PTPN1: variants seen among roughly 807,000 people sequenced by gnomAD.
PTPN1 encodes protein tyrosine phosphatase non-receptor type 1, also known as tyrosine-protein phosphatase non-receptor type 1.
Under a neutral mutation model 59.9 loss-of-function variants are expected in PTPN1, and 12 were observed. The ratio of observed to expected loss-of-function variants is 0.20; its 90% CI spans 0.13 to 0.32. The LOEUF is 0.32. Among genes scored for constraint, PTPN1 ranks in the 10% least tolerant of loss-of-function variants. The probability of loss-of-function intolerance (pLI) is 1.00; values close to 1 mark genes in which losing one functional copy is unlikely to be tolerated. For synonymous variants in PTPN1, 178 were observed against 203.6 expected (o/e 0.87, Z 1.07); for missense variants, 356 against 549.2 (o/e 0.65, Z 3.52).
intron 1 of PTPN1, among the ~76,000 whole-genome samples, chr20:50,540,204 C>T (rs577018787): frequency 2.9e-4 from 44 of 152,128 alleles, no homozygotes; most frequent in Admixed American, 7.2e-4. Flanking sequence ...TACAGGCATG[C>T]GCCACCACGC....
At chr20:50,538,829 C>T (rs1535024) in intron 1 of PTPN1, among the ~76,000 whole-genome samples, 4,881 of 152,142 alleles carry the variant, frequency 0.032, 238 homozygotes, top group African/African-American at 0.11. Flanking sequence ...TTTCACCCTC[C>T]TCCAGAGTCT....
intron 1 of PTPN1, among the ~76,000 whole-genome samples, chr20:50,531,665 C>T (rs113402882): frequency 6.2e-4 from 94 of 152,344 alleles, no homozygotes; most frequent in African/African-American, 2.2e-3. Context: ...GCGTGAGCCA[C>T]TGTGCCTGGC....
chr20:50,543,202 C>A (rs1483332567), intron 1 of PTPN1, among the ~76,000 whole-genome samples: 1 of 152,148 alleles, frequency 6.6e-6, no homozygotes, highest in African/African-American at 2.4e-5. Context: ...TTATACACAA[C>A]ATAAATATGG....
chr20:50,558,772 G>C (rs556571259), intron 1 of PTPN1, among the ~76,000 whole-genome samples: 1 of 152,076 alleles, frequency 6.6e-6, no homozygotes. Context: ...CAGCTATCTC[G>C]TGAGTCATAC....
rs1413088599 is a variant in PTPN1 at position 50,583,477 on chromosome 20, C to G, written c.*762C>G. ...ATCTGCTAGATCTAGTTCTCAATCA[C>G]TGCTCCCCCGTGTGTATTAGAATGC... On this transcript the variant is annotated 3_prime_UTR_variant, in exon 10 of 10. Transcript: ENST00000371621. 6.6e-6 allele frequency: 1 copy of G among 152,276 alleles called. No homozygotes were observed. Among genetic ancestry groups the G allele is most frequent in the African/African-American group, 2.4e-5 (1 of 41,452 alleles). The allele number at this position is 152,276 out of a possible 1,614,324, so 9.4% of individuals were successfully genotyped here.
At chr20:50,551,777 C>T (rs1408763356) in intron 1 of PTPN1, among the ~76,000 whole-genome samples, 1 of 152,206 alleles carries the variant, frequency 6.6e-6, no homozygotes, top group Non-Finnish European at 1.5e-5. Flanking sequence ...GAGGCACACA[C>T]TGAATGACTC....
At chr20:50,514,870 T>C (rs182944744) in intron 1 of PTPN1, among the ~76,000 whole-genome samples, 30 of 152,342 alleles carry the variant, frequency 2.0e-4, no homozygotes, top group Admixed American at 1.6e-3. Flanking sequence ...TGTTCACATT[T>C]TGAGTATCCA....
At chr20:50,555,189 TAA>T (rs2082720805) in intron 1 of PTPN1, among the ~76,000 whole-genome samples, 1 of 152,072 alleles carries the variant, frequency 6.6e-6, no homozygotes, top group Admixed American at 6.5e-5. Context: ...TAAAGATCAG[TAA>T]AATTGATAAA....
intron 1 of PTPN1, among the ~76,000 whole-genome samples, chr20:50,552,839 G>GTCC (rs1396453701): frequency 6.6e-6 from 1 of 151,826 alleles, no homozygotes; most frequent in Non-Finnish European, 1.5e-5. Flanking sequence ...CATGCCGTGC[G>GTCC]TCCTCCTACC....
chr20:50,510,422 G>A lies in PTPN1; in HGVS notation c.-106G>A. On this transcript the variant is annotated 5_prime_UTR_variant, in exon 1 of 10. Coordinates refer to ENST00000371621, the MANE Select transcript of PTPN1 (RefSeq NM_002827.4). Reference sequence around the variant, plus strand: ...GCGGCTAGGGCGGCGGTAGCTGCAGGGGTCGGGGATTGCAGCGGGCCTCGG... The same window carrying A: ...GCGGCTAGGGCGGCGGTAGCTGCAGAGGTCGGGGATTGCAGCGGGCCTCGG... 1.6e-6 allele frequency: 2 copies of A among 1,257,114 alleles called. No individual in the cohort carries two copies. Among genetic ancestry groups the A allele is most frequent in the East Asian group, 2.9e-5 (1 of 34,892 alleles). 77.9% of individuals were successfully genotyped at this position (1,257,114 alleles called of 1,614,324 possible).
chr20:50,544,589 A>G (rs1005855006), intron 1 of PTPN1, among the ~76,000 whole-genome samples: 4 of 152,252 alleles, frequency 2.6e-5, no homozygotes, highest in Non-Finnish European at 4.4e-5. Context: ...TTAGAAGGCA[A>G]AGGACAGAAA....
At chr20:50,523,017 C>T (rs558015642) in intron 1 of PTPN1, among the ~76,000 whole-genome samples, 18 of 151,810 alleles carry the variant, frequency 1.2e-4, no homozygotes, top group Non-Finnish European at 2.5e-4. Flanking sequence ...CCATCCACCT[C>T]GGCCTCCCAA....
chr20:50,531,206 C>A (rs763029081), intron 1 of PTPN1, among the ~76,000 whole-genome samples: 4 of 152,200 alleles, frequency 2.6e-5, no homozygotes, highest in Non-Finnish European at 5.9e-5. Context: ...CACTCACCAG[C>A]TTTCATTCTG....
chr20:50,543,594 A>G (rs1601398591), intron 1 of PTPN1, among the ~76,000 whole-genome samples: 1 of 152,216 alleles, frequency 6.6e-6, no homozygotes, highest in African/African-American at 2.4e-5. Flanking sequence ...CACCAAGCAT[A>G]GTAGAACTGT....
At chr20:50,525,128 C>T (rs1309752984) in intron 1 of PTPN1, among the ~76,000 whole-genome samples, 2 of 152,048 alleles carry the variant, frequency 1.3e-5, no homozygotes, top group Admixed American at 1.3e-4. Context: ...GGCACGATCT[C>T]GGCTCACTGC....
intron 4 of PTPN1, chr20:50,572,177 A>G (rs995467436): frequency 6.6e-6 from 1 of 152,232 alleles, no homozygotes; most frequent in East Asian, 1.9e-4. Flanking sequence ...AGATGCTAGC[A>G]TGTTGGCACT....
At chr20:50,564,907 C>CACCT in intron 2 of PTPN1, 62 bp from the exon 3 acceptor site, 11 of 1,602,178 alleles carry the variant, frequency 6.9e-6, no homozygotes, top group Non-Finnish European at 8.5e-6. Flanking sequence ...GTAGGGTGTG[C>CACCT]ACCTGTATGT....
chr20:50,563,328 C>A lies in PTPN1; in HGVS notation c.155-1641C>A, dbSNP rs894057024. ...ACCTGCTGCCCAGCTCACAGTGCTGCTGGTGATGACAGCAGTCCACAGTTA... is the reference window on the plus strand; with the variant it reads ...ACCTGCTGCCCAGCTCACAGTGCTGATGGTGATGACAGCAGTCCACAGTTA... On this transcript the variant is annotated intron_variant, in intron 2 of 9. Coordinates refer to ENST00000371621, the MANE Select transcript of PTPN1 (RefSeq NM_002827.4). Among the ~76,000 whole-genome samples, 21 of 152,174 alleles carry A rather than the reference C, an allele frequency of 1.4e-4. No homozygotes were observed. In the East Asian group the frequency reaches 1.5e-3, roughly 11 times the overall value.
At chr20:50,524,397 G>T (rs1601387741) in intron 1 of PTPN1, among the ~76,000 whole-genome samples, 1 of 151,936 alleles carries the variant, frequency 6.6e-6, no homozygotes. Context: ...AATATGTAAA[G>T]ATTTTTTAAA....
Sources: gnomAD v4.1 joint callset for allele counts (sites outside exome capture counted in the v4.1 genomes callset) on GRCh38, gnomAD v4.1.1 for gene constraint, MANE v1.5 for transcripts, NCBI Gene and HGNC (gene_info 2026-07-23, HGNC 2026-07-21) for gene names.